CSMD3: variants seen among roughly 807,000 people sequenced by gnomAD.
The protein encoded by CSMD3 is CUB and Sushi multiple domains 3.
In CSMD3, 177 loss-of-function variants were observed where a neutral mutation model predicts 435.2. That is an observed-to-expected ratio of 0.41 (90% CI 0.36 to 0.46). The LOEUF (loss-of-function observed/expected upper bound fraction) is 0.46. Ranked by LOEUF, CSMD3 falls within the 20% of genes least tolerant of loss-of-function variation. The pLI, the probability that CSMD3 is intolerant of heterozygous loss-of-function variation, is 0.34. For synonymous variants in CSMD3, 1,656 were observed against 1,520.5 expected, an observed-to-expected ratio of 1.09 and a Z score of -2.07; for missense variants, 4,265 against 4,504.6, an observed-to-expected ratio of 0.95 and a Z score of 1.52.
chr8:112,530,623 C>G (rs1394825870), intron 27 of CSMD3, among the ~76,000 whole-genome samples: 1 of 152,088 alleles, frequency 6.6e-6, no homozygotes, highest in Non-Finnish European at 1.5e-5. Flanking sequence ...ATTAGACATG[C>G]CTTAGGAGAA....
chr8:112,517,306 A>C (rs1237594826), intron 27 of CSMD3, 81 bp from the exon 28 acceptor site: 16 of 1,027,632 alleles, frequency 1.6e-5, no homozygotes, highest in East Asian at 5.2e-5. Flanking sequence ...TAGAAAATTA[A>C]TTTTTAAAAT....
chr8:113,410,792 C>A (rs2094554744), intron 1 of CSMD3, among the ~76,000 whole-genome samples: 1 of 149,578 alleles, frequency 6.7e-6, no homozygotes, highest in Admixed American at 6.7e-5. Flanking sequence ...GTAGACTCAG[C>A]TACTATGGGA....
chr8:112,495,731 AT>A (rs1821269599), intron 30 of CSMD3, among the ~76,000 whole-genome samples: 1 of 152,060 alleles, frequency 6.6e-6, no homozygotes, highest in African/African-American at 2.4e-5. Context: ...TATCAGCATT[AT>A]TTTTATGCAT....
At chr8:112,660,747 A>G (rs78514807) in intron 17 of CSMD3, among the ~76,000 whole-genome samples, 1,682 of 152,326 alleles carry the variant, frequency 0.011, 36 homozygotes, top group African/African-American at 0.038. Flanking sequence ...TGTGATATAA[A>G]TGTGCTCTGT....
chr8:112,234,766 T>C (rs566920687), intron 67 of CSMD3, among the ~76,000 whole-genome samples: 126 of 152,292 alleles, frequency 8.3e-4, no homozygotes, highest in African/African-American at 2.9e-3. Flanking sequence ...TTCCATGATA[T>C]TGAAAACAAA....
At chr8:112,404,597 T>C (rs1831610997) in intron 35 of CSMD3, among the ~76,000 whole-genome samples, 1 of 152,120 alleles carries the variant, frequency 6.6e-6, no homozygotes, top group South Asian at 2.1e-4. Flanking sequence ...TCAGTAGAAA[T>C]GAATGTACCT....
chr8:112,842,273 C>A (rs1587452021), intron 11 of CSMD3, among the ~76,000 whole-genome samples: 2 of 151,796 alleles, frequency 1.3e-5, no homozygotes, highest in East Asian at 3.9e-4. Flanking sequence ...ACAGCTCTTG[C>A]CAGTTTCTTC....
intron 13 of CSMD3, among the ~76,000 whole-genome samples, chr8:112,764,895 C>T (rs895176032): frequency 6.6e-6 from 1 of 151,256 alleles, no homozygotes; most frequent in African/African-American, 2.4e-5. Flanking sequence ...GAGGGGATAT[C>T]AGAAGAAGAT....
At chr8:112,874,060 C>A (rs1038401895) in intron 10 of CSMD3, among the ~76,000 whole-genome samples, 4 of 152,142 alleles carry the variant, frequency 2.6e-5, no homozygotes, top group African/African-American at 9.6e-5. Context: ...CTATAAATTT[C>A]CCTTTAAACA....
chr8:112,886,120 T>A (rs942819462), intron 10 of CSMD3, among the ~76,000 whole-genome samples: 13 of 151,712 alleles, frequency 8.6e-5, no homozygotes, highest in Non-Finnish European at 1.5e-4. Flanking sequence ...TGTTTGTTTT[T>A]TTCTGATGTT....
chr8:112,407,963 TA>T (rs923032510), intron 34 of CSMD3, among the ~76,000 whole-genome samples: 6 of 152,018 alleles, frequency 3.9e-5, no homozygotes, highest in Non-Finnish European at 7.4e-5. Context: ...CCAAAATTTT[TA>T]TATCTTTAAT....
intron 8 of CSMD3, among the ~76,000 whole-genome samples, chr8:112,949,670 C>G (rs909908173): frequency 6.6e-6 from 1 of 152,010 alleles, no homozygotes; most frequent in South Asian, 2.1e-4. Context: ...CCATTTTCAT[C>G]CACCTACAAT....
intron 3 of CSMD3, among the ~76,000 whole-genome samples, chr8:113,258,588 C>T (rs1184562915): frequency 6.6e-6 from 1 of 152,098 alleles, no homozygotes; most frequent in Non-Finnish European, 1.5e-5. Context: ...TTCTCTGCTG[C>T]TTGGTACACA....
chr8:113,404,615 T>C (rs1298792014), intron 1 of CSMD3, among the ~76,000 whole-genome samples: 1 of 151,406 alleles, frequency 6.6e-6, no homozygotes, highest in East Asian at 1.9e-4. Context: ...GCAGGATATA[T>C]GTTCATTCAC....
In CSMD3 at chr8:112,994,978, C is replaced by CA. The variant is rs551494549; in HGVS notation, c.1031-18831dup. 4.6e-4 allele frequency among the ~76,000 whole-genome samples: 69 copies of CA among 151,350 alleles called. 3 individuals are homozygous for CA. The South Asian group carries it at 0.012, about 26-fold the overall frequency. Reference sequence around the variant, plus strand: ...ATGTAATCAGTATATAATATTTTATCAAAAAATAATAAATATTTTTCTTAT... The same window carrying CA: ...ATGTAATCAGTATATAATATTTTATCAAAAAAATAATAAATATTTTTCTTAT... On this transcript the variant is annotated intron_variant, in intron 6 of 70. Transcript: ENST00000297405.
At chr8:112,997,224 A>C (rs1291162526) in intron 6 of CSMD3, among the ~76,000 whole-genome samples, 1 of 151,654 alleles carries the variant, frequency 6.6e-6, no homozygotes, top group Non-Finnish European at 1.5e-5. Context: ...AAAATAATGA[A>C]ATTATTTTCT....
chr8:112,267,543 A>C (rs1341748354), intron 59 of CSMD3, among the ~76,000 whole-genome samples: 4 of 152,172 alleles, frequency 2.6e-5, no homozygotes, highest in East Asian at 3.9e-4. Context: ...TTTATTTTAT[A>C]TTTATAACCA....
rs1443376894 is a variant in CSMD3 at position 112,223,285 on chromosome 8, T to C, written c.*1486A>G. On this transcript the variant is annotated 3_prime_UTR_variant, in exon 71 of 71. Coordinates refer to ENST00000297405, the MANE Select transcript of CSMD3 (RefSeq NM_198123.2). Reference sequence around the variant, plus strand: ...TTTACAAGAAATTCATTAAATGTTGTAGAGATAGAGCCAAGCAGCGCTCCC... The same window carrying C: ...TTTACAAGAAATTCATTAAATGTTGCAGAGATAGAGCCAAGCAGCGCTCCC... The C allele has an allele frequency of 8.1e-6, 3 of 372,230 alleles. No homozygotes were observed. The highest frequency in any genetic ancestry group is 3.7e-5 in the East Asian group (1 of 26,800). 23.1% of individuals were successfully genotyped at this position (372,230 alleles called of 1,614,324 possible). A position where few individuals can be genotyped will look rare whatever the true frequency, so the allele number is the denominator to read the frequency against.
chr8:112,593,591 A>C (rs1312654795), intron 22 of CSMD3, among the ~76,000 whole-genome samples: 1 of 152,200 alleles, frequency 6.6e-6, no homozygotes, highest in African/African-American at 2.4e-5. Context: ...AGCCACAGAC[A>C]AAAAGGTTTA....
Sources: allele counts gnomAD v4.1 joint callset (sites outside exome capture counted in the v4.1 genomes callset), GRCh38; gene constraint gnomAD v4.1.1; transcripts MANE v1.5; gene names NCBI Gene and HGNC (gene_info 2026-07-23, HGNC 2026-07-21).